TMEM132B: variants seen among roughly 807,000 people sequenced by gnomAD.
TMEM132B encodes transmembrane protein 132B.
In TMEM132B, 18 loss-of-function variants were observed where a neutral mutation model predicts 90.8. The ratio of observed to expected loss-of-function variants is 0.20; its 90% CI spans 0.14 to 0.29. The LOEUF (loss-of-function observed/expected upper bound fraction) is 0.29, where lower values mean the gene tolerates loss of function less well. Ranked by LOEUF, TMEM132B falls within the 10% of genes least tolerant of loss-of-function variation. The pLI, the probability that TMEM132B is intolerant of heterozygous loss-of-function variation, is 1.00. For missense variants in TMEM132B, 1,096 were observed against 1,326.8 expected (o/e 0.83, Z 2.70); for synonymous variants, 504 against 523.3 (o/e 0.96, Z 0.50).
chr12:125,519,661 A>G (rs746879041), intron 4 of TMEM132B, 36 bp downstream of exon 4: 16 of 1,608,916 alleles, frequency 9.9e-6, no homozygotes, highest in Admixed American at 8.4e-5. Context: ...AAGTGTCACA[A>G]AGAAGTTTTC....
At chr12:125,201,370 A>G (rs1295364552) in intron 1 of TMEM132B, among the ~76,000 whole-genome samples, 4 of 152,192 alleles carry the variant, frequency 2.6e-5, no homozygotes, top group Non-Finnish European at 4.4e-5. Flanking sequence ...AGGTGCTAGA[A>G]TTTCTTTCTC....
chr12:125,251,014 G>T lies in TMEM132B; in HGVS notation c.67+64148G>T, dbSNP rs1199667223. 6.6e-6 allele frequency among the ~76,000 whole-genome samples: 1 copy of T among 152,134 alleles called. No homozygotes were observed. The highest frequency in any genetic ancestry group is 1.5e-5 in the Non-Finnish European group (1 of 68,026). The stretch of plus-strand genomic sequence containing the variant: ...TGATTTTGTTGTTACATTTAATGAG[G>T]TTTCTCTAAAAAGAAGAGATCATTT... On this transcript the variant is annotated intron_variant, in intron 1 of 8. Transcript: ENST00000682704. The surrounding 1 kb of genome is among the most constrained non-coding windows in gnomAD (Gnocchi z 4.4).
At chr12:125,438,553 AAACATCCACCTATCTACCACAC>A (rs1164131341) in intron 3 of TMEM132B, among the ~76,000 whole-genome samples, 1 of 152,394 alleles carries the variant, frequency 6.6e-6, no homozygotes, top group East Asian at 1.9e-4. Context: ...ATATTGTAGC[AAACATCCACCTATCTACCACAC>A]AGCTGTGTCA....
chr12:125,524,198 G>A (rs1883386157), intron 4 of TMEM132B, among the ~76,000 whole-genome samples: 2 of 152,178 alleles, frequency 1.3e-5, no homozygotes, highest in South Asian at 4.1e-4. Context: ...GGTGTCAGAT[G>A]GATAAACTGA....
At chr12:125,414,762 A>G (rs1038956689) in intron 2 of TMEM132B, among the ~76,000 whole-genome samples, 1 of 152,178 alleles carries the variant, frequency 6.6e-6, no homozygotes, top group Non-Finnish European at 1.5e-5. Flanking sequence ...GCATTGGGCC[A>G]AGTCCCCAGG....
At chr12:125,478,127 A>G (rs2136518686) in intron 3 of TMEM132B, among the ~76,000 whole-genome samples, 1 of 152,350 alleles carries the variant, frequency 6.6e-6, no homozygotes, top group Non-Finnish European at 1.5e-5. Flanking sequence ...ATCATCAAAG[A>G]CCAAAGGTAG....
At chr12:125,374,205 G>A (rs774379074) in intron 2 of TMEM132B, among the ~76,000 whole-genome samples, 1 of 152,154 alleles carries the variant, frequency 6.6e-6, no homozygotes, top group South Asian at 2.1e-4. Context: ...TCCTCTTTAG[G>A]GATGTTCCTT....
intron 5 of TMEM132B, among the ~76,000 whole-genome samples, chr12:125,589,676 G>C (rs932458135): frequency 2.6e-5 from 4 of 152,018 alleles, no homozygotes; most frequent in African/African-American, 9.7e-5. Flanking sequence ...TACATGGCAG[G>C]AGCAGGAGCA....
At chr12:125,457,969 T>G (rs756708759) in intron 3 of TMEM132B, among the ~76,000 whole-genome samples, 5 of 151,980 alleles carry the variant, frequency 3.3e-5, no homozygotes, top group Non-Finnish European at 7.4e-5. Context: ...GTGGTCACAA[T>G]GTGGGGTAAG....
intron 3 of TMEM132B, among the ~76,000 whole-genome samples, chr12:125,442,372 T>G (rs77073073): frequency 0.013 from 1,916 of 152,346 alleles, 47 homozygotes; most frequent in African/African-American, 0.044. Flanking sequence ...TCCTGGAATT[T>G]GCTAGAGGGA....
chr12:125,349,039 A>G lies in TMEM132B; in HGVS notation c.68-413A>G, dbSNP rs1268433410. ...TGATAGAGAGCAGCATAAATATCAA[A>G]GTAATAAGGCACTAACGTGTCACAT... On this transcript the variant is annotated intron_variant, in intron 1 of 8. Coordinates refer to ENST00000682704, the MANE Select transcript of TMEM132B (RefSeq NM_001366854.1). This position sits in a 1 kb window ranked among gnomAD's most constrained non-coding sequence, Gnocchi z 4.1. Among the ~76,000 whole-genome samples the G allele has an allele frequency of 6.6e-6, 1 of 152,236 alleles. No individual in the cohort carries two copies. The highest frequency in any genetic ancestry group is 1.5e-5 in the Non-Finnish European group (1 of 68,046).
intron 5 of TMEM132B, chr12:125,587,619 G>A (rs572359160): frequency 9.2e-5 from 14 of 152,300 alleles, no homozygotes; most frequent in African/African-American, 3.4e-4. Flanking sequence ...CCAGCTCACT[G>A]TAGTCTCCAC....
chr12:125,437,180 G>A lies in TMEM132B; in HGVS notation c.1106+21503G>A, dbSNP rs530986604. On this transcript the variant is annotated intron_variant, in intron 3 of 8. Coordinates refer to ENST00000682704, the MANE Select transcript of TMEM132B (RefSeq NM_001366854.1). The stretch of plus-strand genomic sequence containing the variant: ...TGCCTGGGAGGGAGCATGGGATTGG[G>A]GCAGAGTGACCCCGCTCCTCCCAGG... Among the ~76,000 whole-genome samples the A allele has an allele frequency of 6.6e-5, 10 of 152,268 alleles. No individual in the cohort carries two copies. In the South Asian group the frequency reaches 2.1e-3, roughly 32 times the overall value.
At chr12:125,462,774 T>A (rs1320212271) in intron 3 of TMEM132B, among the ~76,000 whole-genome samples, 1 of 152,226 alleles carries the variant, frequency 6.6e-6, no homozygotes, top group African/African-American at 2.4e-5. Flanking sequence ...CAATAAAATT[T>A]GGTTCTTCTC....
chr12:125,565,594 C>T (rs2136810882), intron 4 of TMEM132B, among the ~76,000 whole-genome samples: 2 of 152,256 alleles, frequency 1.3e-5, no homozygotes, highest in South Asian at 2.1e-4. Flanking sequence ...TGGCTCTCAG[C>T]AGGATGGGTG....
chr12:125,639,580 C>A (rs948174804), intron 5 of TMEM132B, among the ~76,000 whole-genome samples: 1 of 152,166 alleles, frequency 6.6e-6, no homozygotes, highest in African/African-American at 2.4e-5. Context: ...AAGAAACAAC[C>A]AGGAGCATTA....
At chr12:125,478,540 G>A (rs1881952537) in intron 3 of TMEM132B, among the ~76,000 whole-genome samples, 1 of 152,096 alleles carries the variant, frequency 6.6e-6, no homozygotes, top group African/African-American at 2.4e-5. Flanking sequence ...AATTAATGAA[G>A]CAAGAAGAGA....
chr12:125,532,938 A>T (rs1445340558), intron 4 of TMEM132B, among the ~76,000 whole-genome samples: 2 of 152,130 alleles, frequency 1.3e-5, no homozygotes, highest in African/African-American at 2.4e-5. Context: ...GAGCACTTTG[A>T]TGTTGGGTTG....
intron 1 of TMEM132B, among the ~76,000 whole-genome samples, chr12:125,248,565 G>T (rs1195382090): frequency 6.6e-6 from 1 of 152,172 alleles, no homozygotes; most frequent in African/African-American, 2.4e-5. Flanking sequence ...ATCTGAATGT[G>T]CCTATAGCGT....
Sources: gnomAD v4.1 joint callset for allele counts (sites outside exome capture counted in the v4.1 genomes callset) on GRCh38, gnomAD v4.1.1 for gene constraint, Gnocchi (gnomAD v3.1) non-coding constraint, MANE v1.5 for transcripts, NCBI Gene and HGNC (gene_info 2026-07-23, HGNC 2026-07-21) for gene names.